RANBP2: variants seen among roughly 807,000 people sequenced by gnomAD.
RANBP2 encodes RAN binding protein 2.
In RANBP2, 57 loss-of-function variants were observed where a neutral mutation model predicts 303.6. The ratio of observed to expected loss-of-function variants is 0.19; its 90% CI spans 0.15 to 0.23. The LOEUF is 0.23. Ranked by LOEUF, RANBP2 falls within the 10% of genes least tolerant of loss-of-function variation. The pLI is 1.00. For synonymous variants in RANBP2, 1,167 were observed against 1,301.5 expected, an observed-to-expected ratio of 0.90 and a Z score of 2.23; for missense variants, 3,138 against 3,780.8, an observed-to-expected ratio of 0.83 and a Z score of 4.46.
the RANBP2 span, among the ~76,000 whole-genome samples, chr2:109,554,018 T>C: frequency 6.6e-6 from 1 of 152,328 alleles, no homozygotes; most frequent in African/African-American, 2.4e-5. Context: ...TCGTATGGTA[T>C]ATTTCTGGTC....
chr2:109,191,790 C>T, the RANBP2 span, among the ~76,000 whole-genome samples: 2 of 152,182 alleles, frequency 1.3e-5, no homozygotes, highest in Admixed American at 6.5e-5. Context: ...ACCTGTTGGG[C>T]AAAGTCCCCA....
At chr2:109,330,855 T>A in the RANBP2 span, among the ~76,000 whole-genome samples, 1 of 152,324 alleles carries the variant, frequency 6.6e-6, no homozygotes, top group Middle Eastern at 3.4e-3. Context: ...ATAAGCAGGA[T>A]CCCTCTTAAG....
At chr2:109,631,842 G>A in the RANBP2 span, among the ~76,000 whole-genome samples, 1 of 152,110 alleles carries the variant, frequency 6.6e-6, no homozygotes, top group Non-Finnish European at 1.5e-5. Context: ...TCCTGGTATG[G>A]AGACTCTAAA....
chr2:108,930,002 G>T, the RANBP2 span: 1 of 1,284,150 alleles, frequency 7.8e-7, no homozygotes, highest in Non-Finnish European at 1.1e-6. Flanking sequence ...AGCGTGACCG[G>T]CTGGTTTGAT....
At chr2:109,223,349 G>A in the RANBP2 span, among the ~76,000 whole-genome samples, 48 of 152,206 alleles carry the variant, frequency 3.2e-4, no homozygotes, top group Admixed American at 1.2e-3. Context: ...GCCAAGAGGG[G>A]CGTTCTGAAG....
the RANBP2 span, among the ~76,000 whole-genome samples, chr2:109,654,912 T>C: frequency 7.2e-5 from 11 of 151,818 alleles, no homozygotes; most frequent in Admixed American, 2.6e-4. Context: ...TTTTCTTTTT[T>C]TTTTTTTTGA....
Position 108,764,622 on chromosome 2 carries a change from C to T in RANBP2, c.4083C>T (p.Cys1361=), listed in dbSNP as rs561331970. 1.2e-6 allele frequency: 2 copies of T among 1,614,002 alleles called. No homozygotes were observed. The highest frequency in any genetic ancestry group is 1.3e-5 in the African/African-American group (1 of 75,010). Residue 1361 remains cysteine, a synonymous_variant, in exon 20 of 29, where the codon TGC becomes TGT. Coordinates refer to ENST00000283195, the MANE Select transcript of RANBP2 (RefSeq NM_006267.5). ...KEGSWWHCNS[C]SLKNASTAKK... ...GGTCTTGGTGGCATTGTAACAGCTG[C>T]TCATTAAAGAATGCTTCAACTGCTA...
the RANBP2 span, among the ~76,000 whole-genome samples, chr2:109,309,529 A>G: frequency 7.7e-6 from 1 of 129,074 alleles, no homozygotes; most frequent in Non-Finnish European, 1.6e-5. Context: ...AATGGACTAA[A>G]TGCTCCAATT....
chr2:109,158,467 C>G, the RANBP2 span, among the ~76,000 whole-genome samples: 6 of 152,138 alleles, frequency 3.9e-5, no homozygotes, highest in African/African-American at 1.4e-4. Flanking sequence ...AGGTTCAGTC[C>G]CCCAAGGCTC....
chr2:109,243,340 G>A, the RANBP2 span, among the ~76,000 whole-genome samples: 1 of 152,234 alleles, frequency 6.6e-6, no homozygotes, highest in African/African-American at 2.4e-5. Flanking sequence ...GATTCCATGT[G>A]CTTAGTCTCC....
At chr2:108,897,291 G>A in the RANBP2 span, 13 of 1,435,152 alleles carry the variant, frequency 9.1e-6, no homozygotes, top group Admixed American at 1.3e-4. Flanking sequence ...GGTCAACACT[G>A]AAAAATTATT....
At chr2:109,302,155 C>T in the RANBP2 span, among the ~76,000 whole-genome samples, 2 of 152,192 alleles carry the variant, frequency 1.3e-5, no homozygotes, top group East Asian at 1.9e-4. Flanking sequence ...CTGTTGAACA[C>T]GGATCTGCAA....
the RANBP2 span, among the ~76,000 whole-genome samples, chr2:109,694,584 CA>C: frequency 6.6e-6 from 1 of 151,976 alleles, no homozygotes; most frequent in African/African-American, 2.4e-5. Flanking sequence ...CCAGGCTTTT[CA>C]AATAAGGTAT....
the RANBP2 span, chr2:109,564,606 A>G: frequency 7.8e-7 from 1 of 1,280,830 alleles, no homozygotes; most frequent in Non-Finnish European, 1.0e-6. Context: ...TGTTTGCTGA[A>G]TGAACAAATA....
the RANBP2 span, chr2:109,760,303 C>T: frequency 6.9e-6 from 1 of 145,910 alleles, no homozygotes; most frequent in Non-Finnish European, 1.5e-5. Flanking sequence ...TACTTACATT[C>T]AATAAATATC....
the RANBP2 span, among the ~76,000 whole-genome samples, chr2:109,453,485 C>G: frequency 1.3e-5 from 2 of 152,178 alleles, no homozygotes; most frequent in Admixed American, 1.3e-4. Context: ...CCAGGTGATA[C>G]GAACCCTCAG....
the RANBP2 span, among the ~76,000 whole-genome samples, chr2:108,796,148 A>G: frequency 6.6e-6 from 1 of 152,050 alleles, no homozygotes; most frequent in African/African-American, 2.4e-5. Context: ...TCCTGGGTTC[A>G]TGCCATTCTC....
chr2:109,113,259 T>A, the RANBP2 span, among the ~76,000 whole-genome samples: 3 of 152,206 alleles, frequency 2.0e-5, no homozygotes, highest in African/African-American at 7.2e-5. Flanking sequence ...ATTCTTTCTA[T>A]CCATGAGCAT....
the RANBP2 span, among the ~76,000 whole-genome samples, chr2:109,037,323 CAAAAAAA>C: frequency 2.6e-3 from 141 of 54,338 alleles, no homozygotes; most frequent in Non-Finnish European, 4.7e-3. Context: ...GACCATGTCT[CAAAAAAA>C]AAAAAAAAAA....
Sources: allele counts gnomAD v4.1 joint callset (sites outside exome capture counted in the v4.1 genomes callset), GRCh38; gene constraint gnomAD v4.1.1; transcripts MANE v1.5; gene names NCBI Gene and HGNC (gene_info 2026-07-23, HGNC 2026-07-21).